The following UNC80 variants were observed in gnomAD, a reference collection of about 807,000 sequenced individuals.
UNC80 encodes the protein protein unc-80 homolog.
UNC80 carries 164 observed loss-of-function variants against 384.6 expected under a neutral mutation model. The observed-to-expected ratio is 0.43, with a 90% CI of 0.38 to 0.49. The LOEUF is 0.49. Among genes scored for constraint, UNC80 ranks in the 20% least tolerant of loss-of-function variants. The probability of loss-of-function intolerance (pLI) is 0.00; values close to 1 mark genes in which losing one functional copy is unlikely to be tolerated. For missense variants in UNC80, 3,330 were observed against 4,143.0 expected, an observed-to-expected ratio of 0.80 and a Z score of 5.39; for synonymous variants, 1,486 against 1,527.8, an observed-to-expected ratio of 0.97 and a Z score of 0.64.
chr2:209,880,917 T>C, intron 24 of UNC80, 44 bp from the exon 25 acceptor site: 1 of 1,540,294 alleles, frequency 6.5e-7, no homozygotes, highest in Middle Eastern at 1.7e-4. Context: ...TTCTGTATTT[T>C]TTGTTGATTT....
Position 209,786,160 on chromosome 2 carries a change from T to C in UNC80, c.695T>C (p.Leu232Pro). The change falls in exon 5 of 65, where the codon CTG (leucine) becomes CCG (proline). Residue 232 changes from leucine (L) to proline (P), a missense_variant. By Grantham distance (98) the Leu-to-Pro change is moderately conservative. Around this residue, in one of 8 missense-constraint regions of UNC80, gnomAD observed 937 missense variants for 1,026.8 expected, o/e 0.91. Transcript: ENST00000673920. ...RQPGVSGFTA[L>P]VKPIRNIITA... is the part of the protein sequence containing the mutation. The stretch of plus-strand genomic sequence containing the variant: ...CCCGGAGTCTCTGGCTTTACCGCAC[T>C]GGTGAAGCCCATCAGGAACATCATT... 6.2e-7 allele frequency: 1 copy of C among 1,614,018 alleles called. No individual in the cohort carries two copies. Among genetic ancestry groups the C allele is most frequent in the Non-Finnish European group, 8.5e-7 (1 of 1,179,928 alleles).
chr2:209,925,257 C>CTA (rs922251027), intron 35 of UNC80, among the ~76,000 whole-genome samples: 62 of 151,692 alleles, frequency 4.1e-4, no homozygotes, highest in Admixed American at 2.5e-3. Flanking sequence ...GCTTGGTCCA[C>CTA]TATATATATA....
At position 209,997,944 on chromosome 2, in the gene UNC80, A is replaced by G. The variant is rs1168685754; in HGVS notation, c.*2349A>G. On this transcript the variant is annotated 3_prime_UTR_variant, in exon 65 of 65. Coordinates refer to ENST00000673920, the MANE Select transcript of UNC80 (RefSeq NM_001371986.1). Reference sequence around the variant, plus strand: ...TGTTACCTGGAGTTTGAAAGGAATAACTATTAAAAAAAAAAGTTGGGGAAG... The same window carrying G: ...TGTTACCTGGAGTTTGAAAGGAATAGCTATTAAAAAAAAAAGTTGGGGAAG... 2.0e-5 allele frequency: 3 copies of G among 152,184 alleles called. No homozygotes were observed. Among genetic ancestry groups the G allele is most frequent in the Non-Finnish European group, 4.4e-5 (3 of 68,024 alleles). The allele number at this position is 152,184 out of a possible 1,614,324, so 9.4% of individuals were successfully genotyped here.
At chr2:209,811,314 C>T (rs1216576509) in intron 7 of UNC80, among the ~76,000 whole-genome samples, 2 of 152,264 alleles carry the variant, frequency 1.3e-5, no homozygotes, top group South Asian at 2.1e-4. Flanking sequence ...CCCAGCCAGA[C>T]TATTCAGGCC....
chr2:209,849,659 C>T, intron 22 of UNC80, 36 bp downstream of exon 22: 1 of 1,543,060 alleles, frequency 6.5e-7, no homozygotes, highest in Non-Finnish European at 8.8e-7. Context: ...CCCTGCCCCC[C>T]ATCCCAAGTA....
chr2:209,807,614 C>T (rs1055560225), intron 7 of UNC80, among the ~76,000 whole-genome samples: 1 of 152,168 alleles, frequency 6.6e-6, no homozygotes, highest in Admixed American at 6.5e-5. Context: ...CCGCCTGCCT[C>T]AGCCTCCCAA....
chr2:209,787,717 T>C (rs2077529263), intron 5 of UNC80, among the ~76,000 whole-genome samples: 1 of 152,178 alleles, frequency 6.6e-6, no homozygotes, highest in Admixed American at 6.5e-5. Context: ...GTATAGCCCA[T>C]ACAATTATAT....
At position 209,945,172 on chromosome 2, in the gene UNC80, A is replaced by G. The variant is rs764505524; in HGVS notation, c.7172A>G (p.Lys2391Arg). The G allele has an allele frequency of 8.4e-6, 13 of 1,549,928 alleles. No individual in the cohort carries two copies. Among genetic ancestry groups the G allele is most frequent in the Middle Eastern group, 1.7e-4 (1 of 5,998 alleles). The change falls in exon 46 of 65, where the codon AAG (lysine) becomes AGG (arginine). Residue 2391 changes from lysine (K) to arginine (R), a missense_variant. This residue lies in a region of UNC80 where 1,049 missense variants were observed against 1,488.6 expected (regional missense o/e 0.70). Coordinates refer to ENST00000673920, the MANE Select transcript of UNC80 (RefSeq NM_001371986.1). Reference protein sequence around the residue: ...LDILELVKAEKPLKSLDFCYG... With the variant: ...LDILELVKAERPLKSLDFCYG... ...ATCTTAGAGCTGGTCAAAGCTGAGAAGCCTCTCAAGTCATTAGGTAAAAGC... is the reference window on the plus strand; with the variant it reads ...ATCTTAGAGCTGGTCAAAGCTGAGAGGCCTCTCAAGTCATTAGGTAAAAGC...
At chr2:209,852,880 C>T (rs535107040) in intron 22 of UNC80, among the ~76,000 whole-genome samples, 19 of 151,984 alleles carry the variant, frequency 1.3e-4, no homozygotes, top group African/African-American at 3.6e-4. Flanking sequence ...GTATGTTTTA[C>T]GTGTTTTTCA....
rs1247283994 is a variant in UNC80, at chr2:209,959,174, A to G, written c.7586+20A>G. 6.4e-7 allele frequency: 1 copy of G among 1,551,688 alleles called. No homozygotes were observed. Among genetic ancestry groups the G allele is most frequent in the African/African-American group, 1.4e-5 (1 of 73,040 alleles). On this transcript the variant is annotated intron_variant, in intron 50 of 64. Transcript: ENST00000673920. ...TATCAGGTACAGAAAGACTTGCTCT[A>G]ATTTCATACCAGTTCTGACATCTTG...
chr2:209,783,820 G>T (rs2153825062), intron 4 of UNC80, among the ~76,000 whole-genome samples: 1 of 152,246 alleles, frequency 6.6e-6, no homozygotes, highest in Non-Finnish European at 1.5e-5. Flanking sequence ...TTGGCTTCCT[G>T]TATTTGTAGA....
intron 33 of UNC80, among the ~76,000 whole-genome samples, chr2:209,919,145 A>C (rs761131699): frequency 3.3e-5 from 5 of 152,194 alleles, no homozygotes; most frequent in African/African-American, 1.2e-4. Context: ...TATTACTGCT[A>C]TATGTAATAT....
chr2:209,886,189 A>AT (rs2085789345), intron 25 of UNC80, among the ~76,000 whole-genome samples: 2 of 151,748 alleles, frequency 1.3e-5, no homozygotes, highest in Non-Finnish European at 2.9e-5. Context: ...CTAAGGGTTT[A>AT]TTATGTCATA....
intron 40 of UNC80, 61 bp downstream of exon 40, chr2:209,935,869 G>A: frequency 9.9e-7 from 1 of 1,011,348 alleles, no homozygotes. Flanking sequence ...CCTCACTGAA[G>A]ATCCATTTTA....
chr2:209,827,389 C>A (rs551315577), intron 14 of UNC80, among the ~76,000 whole-genome samples: 1 of 151,992 alleles, frequency 6.6e-6, no homozygotes, highest in Non-Finnish European at 1.5e-5. Flanking sequence ...AAACTGGCTC[C>A]GATAACCAAG....
chr2:209,910,086 TAGA>T (rs1375609941), intron 29 of UNC80, among the ~76,000 whole-genome samples: 3 of 151,372 alleles, frequency 2.0e-5, no homozygotes, highest in Non-Finnish European at 4.4e-5. Context: ...CAGGGAACTG[TAGA>T]GAAACTCAAG....
chr2:209,895,685 T>C (rs1421932585), intron 27 of UNC80, among the ~76,000 whole-genome samples: 1 of 152,204 alleles, frequency 6.6e-6, no homozygotes, highest in Non-Finnish European at 1.5e-5. Context: ...GATTTTAGAT[T>C]TGAGGGGAAA....
chr2:209,985,038 C>A, intron 61 of UNC80, 126 bp downstream of exon 61: 1 of 794,950 alleles, frequency 1.3e-6, no homozygotes, highest in Non-Finnish European at 1.9e-6. Context: ...CCATTCCTTG[C>A]CCTTTGTTGT....
Position 209,995,430 on chromosome 2 carries a change from T to C in UNC80, c.9810T>C (p.Asp3270=), listed in dbSNP as rs552009193. The change falls in exon 65 of 65, where the codon GAT becomes GAC. Residue 3270 remains aspartate, a synonymous_variant. Transcript: ENST00000673920. ...SPLSAQLSDP[D]DFTGLETSSL... is the part of the protein sequence containing the mutation. ...TCTCTGCCCAACTCTCTGACCCTGA[T>C]GACTTCACAGGCCTCGAGACATCCA... 12 of 1,551,944 alleles carry C rather than the reference T, an allele frequency of 7.7e-6. No homozygotes were observed. The South Asian group carries it at 1.3e-4, about 17-fold the overall frequency.
Sources: gnomAD v4.1 joint callset for allele counts (sites outside exome capture counted in the v4.1 genomes callset) on GRCh38, gnomAD v4.1.1 for gene constraint, gnomAD v4.1.1 regional missense constraint, MANE v1.5 for transcripts, NCBI Gene and HGNC (gene_info 2026-07-23, HGNC 2026-07-21) for gene names.